Variants in DMD observed in about 807,000 individuals in gnomAD.
The protein encoded by DMD is dystrophin.
A neutral mutation model predicts 330.1 loss-of-function variants in DMD; 63 were observed. The ratio of observed to expected loss-of-function variants is 0.19; its 90% CI spans 0.16 to 0.24. The LOEUF is 0.24. DMD is among the 10% of genes least tolerant of loss of function. The pLI is 1.00. For synonymous variants in DMD, 1,223 were observed against 959.8 expected, an observed-to-expected ratio of 1.27 and a Z score of -5.07; for missense variants, 3,344 against 2,684.1, an observed-to-expected ratio of 1.25 and a Z score of -5.43.
intron 2 of DMD, among the ~76,000 whole-genome samples, chrX:32,894,098 G>A (rs932626050): frequency 6.3e-5 from 7 of 111,698 alleles, no homozygotes; most frequent in Admixed American, 2.9e-4. Context: ...GCCAAACCCC[G>A]CATGACCATG....
chrX:32,757,084 T>A (rs1489489387), intron 7 of DMD, among the ~76,000 whole-genome samples: 1 of 111,844 alleles, frequency 8.9e-6, no homozygotes, highest in East Asian at 2.8e-4. Context: ...TTTTATATAT[T>A]TATAGTATAC....
chrX:32,601,172 A>T (rs1228586953), intron 12 of DMD, among the ~76,000 whole-genome samples: 2 of 111,465 alleles, frequency 1.8e-5, no homozygotes, highest in Admixed American at 9.6e-5. Context: ...ATTTGCAGTG[A>T]AATATTCACT....
At chrX:32,004,239 T>C (rs751517305) in intron 44 of DMD, among the ~76,000 whole-genome samples, 2 of 111,323 alleles carry the variant, frequency 1.8e-5, no homozygotes, top group South Asian at 7.5e-4. Context: ...TAAAAACACT[T>C]CCTAGAAATG....
chrX:31,850,169 A>G (rs2093498201), intron 48 of DMD, among the ~76,000 whole-genome samples: 1 of 111,494 alleles, frequency 9.0e-6, no homozygotes, highest in African/African-American at 3.3e-5. Context: ...CCATTTGGCT[A>G]TTTTGTCAAC....
intron 44 of DMD, among the ~76,000 whole-genome samples, chrX:32,119,721 A>G (rs1377481706): frequency 1.8e-5 from 2 of 112,181 alleles, no homozygotes; most frequent in Non-Finnish European, 3.8e-5. Flanking sequence ...CACTGCAAAC[A>G]TATAGCTGAG....
At chrX:32,442,463 A>G (rs2098285038) in intron 27 of DMD, among the ~76,000 whole-genome samples, 1 of 111,434 alleles carries the variant, frequency 9.0e-6, no homozygotes, top group Non-Finnish European at 1.9e-5. Context: ...ATGAGATACC[A>G]TGTTGATTGA....
rs140759792 is a variant in DMD at position 32,438,313 on chromosome X, G to A, written c.3999C>T (p.Gly1333=). ...CATTGATTAGCTCATCCATGACTCC[G>A]CCATCTGTTAGGGTCTGTGCCAATA... The part of the protein sequence containing the change: ...IRILAQTLTD[G]GVMDELINEE... The change falls in exon 29 of 79, where the codon GGC becomes GGT. Residue 1333 remains glycine (G), a synonymous_variant. Transcript: ENST00000357033. The A allele has an allele frequency of 1.9e-5, 23 of 1,208,886 alleles. No homozygotes were observed. The highest frequency in any genetic ancestry group is 5.2e-5 in the African/African-American group (3 of 57,157).
chrX:32,126,248 G>C (rs2053551643), intron 44 of DMD, among the ~76,000 whole-genome samples: 1 of 112,299 alleles, frequency 8.9e-6, no homozygotes, highest in Non-Finnish European at 1.9e-5. Flanking sequence ...GAGACAGATA[G>C]TGGTGCCAGG....
chrX:33,023,248 C>T (rs1337978354), intron 1 of DMD, among the ~76,000 whole-genome samples: 1 of 111,868 alleles, frequency 8.9e-6, no homozygotes, highest in Non-Finnish European at 1.9e-5. Context: ...ATATAAGCTG[C>T]TCTTTCCTTT....
intron 9 of DMD, among the ~76,000 whole-genome samples, chrX:32,671,948 C>A (rs1270511036): frequency 9.0e-6 from 1 of 111,153 alleles, no homozygotes; most frequent in Non-Finnish European, 1.9e-5. Flanking sequence ...TGAAAAAACA[C>A]CCCTCAAGGT....
intron 1 of DMD, among the ~76,000 whole-genome samples, chrX:33,124,937 T>C (rs897776769): frequency 9.8e-6 from 1 of 101,821 alleles, no homozygotes; most frequent in Non-Finnish European, 2.0e-5. Context: ...GGCAGGAGAA[T>C]TGCTTGAACC....
At chrX:31,183,049 T>G in intron 67 of DMD, 145 bp from the exon 68 acceptor site, 1 of 522,317 alleles carries the variant, frequency 1.9e-6, no homozygotes. Flanking sequence ...GGCTGGCTTT[T>G]CACAGCTTGT....
intron 11 of DMD, among the ~76,000 whole-genome samples, chrX:32,628,268 T>A (rs2058491386): frequency 1.7e-5 from 1 of 58,835 alleles, no homozygotes. Context: ...ATTTTTTTTT[T>A]TTTTTTTTTT....
chrX:31,470,727 A>T (rs1300222825), intron 59 of DMD, among the ~76,000 whole-genome samples: 1 of 111,922 alleles, frequency 8.9e-6, no homozygotes, highest in Admixed American at 9.4e-5. Context: ...GGAACGTTTA[A>T]GTCTGCTGAT....
intron 1 of DMD, among the ~76,000 whole-genome samples, chrX:33,021,537 C>T (rs1347128688): frequency 9.0e-6 from 1 of 111,231 alleles, no homozygotes; most frequent in Non-Finnish European, 1.9e-5. Context: ...ATATATTTTT[C>T]AGTAGTAAAT....
chrX:31,399,407 T>A (rs544135212), intron 60 of DMD, among the ~76,000 whole-genome samples: 1 of 81,959 alleles, frequency 1.2e-5, no homozygotes, highest in Non-Finnish European at 2.2e-5. Flanking sequence ...TTCTGCCAGC[T>A]GAGCTCTGGG....
chrX:33,238,711 A>G (rs771080506), intron 1 of DMD, among the ~76,000 whole-genome samples: 1 of 111,794 alleles, frequency 8.9e-6, no homozygotes, highest in South Asian at 3.7e-4. Context: ...CAAAGCTATA[A>G]CCGAGATTTT....
At chrX:31,682,589 A>G (rs1054815627) in intron 52 of DMD, among the ~76,000 whole-genome samples, 1 of 112,491 alleles carries the variant, frequency 8.9e-6, no homozygotes, top group Non-Finnish European at 1.9e-5. Flanking sequence ...TCAACTTATC[A>G]TAGCAGGCTA....
chrX:31,477,482 A>G (rs949045445), intron 59 of DMD, among the ~76,000 whole-genome samples: 1 of 111,426 alleles, frequency 9.0e-6, no homozygotes, highest in Non-Finnish European at 1.9e-5. Context: ...CTAAATATGT[A>G]TTTTTTTCTA....
Sources: allele counts gnomAD v4.1 joint callset (sites outside exome capture counted in the v4.1 genomes callset), GRCh38; gene constraint gnomAD v4.1.1; transcripts MANE v1.5; gene names NCBI Gene and HGNC (gene_info 2026-07-23, HGNC 2026-07-21).